FSIP1: variants seen among roughly 807,000 people sequenced by gnomAD.
FSIP1 encodes the protein fibrous sheath-interacting protein 1.
In FSIP1, 65 loss-of-function variants were observed where a neutral mutation model predicts 60.9. The ratio of observed to expected loss-of-function variants is 1.07; its 90% CI spans 0.87 to 1.31. FSIP1 has a LOEUF of 1.31. Ranked by LOEUF, FSIP1 falls within the 40% of genes most tolerant of loss-of-function variation. FSIP1 has a pLI of 0.00. For synonymous variants in FSIP1, 209 were observed against 221.2 expected (o/e 0.94, Z 0.49); for missense variants, 675 against 665.5 (o/e 1.01, Z -0.16).
chr15:39,670,650 A>C (rs1893683104), intron 10 of FSIP1, among the ~76,000 whole-genome samples: 1 of 152,202 alleles, frequency 6.6e-6, no homozygotes, highest in African/African-American at 2.4e-5. Flanking sequence ...TCATAGGCAG[A>C]AACAGCTGCC....
chr15:39,734,052 A>G (rs1566906595), intron 8 of FSIP1, among the ~76,000 whole-genome samples: 1 of 152,200 alleles, frequency 6.6e-6, no homozygotes, highest in Non-Finnish European at 1.5e-5. Context: ...AGGTGAAAAG[A>G]GCCTACAAGG....
At chr15:39,777,683 C>T (rs1442139422) in intron 1 of FSIP1, among the ~76,000 whole-genome samples, 2 of 152,204 alleles carry the variant, frequency 1.3e-5, no homozygotes, top group East Asian at 3.8e-4. Context: ...CATGCTGAGT[C>T]AAATGGAAGA....
At chr15:39,669,663 A>C (rs915769907) in intron 10 of FSIP1, among the ~76,000 whole-genome samples, 4 of 152,218 alleles carry the variant, frequency 2.6e-5, no homozygotes, top group Non-Finnish European at 5.9e-5. Flanking sequence ...ATCCCAGATA[A>C]CTTTGGAAGA....
intron 11 of FSIP1, among the ~76,000 whole-genome samples, chr15:39,605,853 C>T (rs991451472): frequency 1.3e-5 from 2 of 152,232 alleles, no homozygotes; most frequent in Non-Finnish European, 2.9e-5. Flanking sequence ...TACAACCCTA[C>T]AGGGTATTAA....
intron 5 of FSIP1, among the ~76,000 whole-genome samples, chr15:39,761,570 T>C (rs1349839141): frequency 6.6e-6 from 1 of 152,098 alleles, no homozygotes; most frequent in African/African-American, 2.4e-5. Flanking sequence ...AGCTGGAGGA[T>C]GGGAAAATGA....
rs1896677564 is a variant in FSIP1 at position 39,738,142 on chromosome 15, A to T, written c.840T>A (p.Val280=). 1 of 1,613,240 alleles carries T rather than the reference A, an allele frequency of 6.2e-7. No individual in the cohort carries two copies. The highest frequency in any genetic ancestry group is 1.1e-5 in the South Asian group (1 of 91,024). The change falls in exon 8 of 12, where the codon GTT becomes GTA. Residue 280 remains valine, a synonymous_variant. Coordinates refer to ENST00000350221, the MANE Select transcript of FSIP1 (RefSeq NM_152597.5). ...VMVDREKKRL[V]ELLKDLDEKD... ...TCTCATCCAAGTCCTTCAAAAGCTC[A>T]ACCAGCCTTTTCTTCTCTCTGTCAA...
chr15:39,728,508 A>C (rs1390851137), intron 8 of FSIP1, among the ~76,000 whole-genome samples: 1 of 152,188 alleles, frequency 6.6e-6, no homozygotes, highest in Non-Finnish European at 1.5e-5. Flanking sequence ...TCTGATCTTC[A>C]ACAAAGTTGA....
intron 10 of FSIP1, among the ~76,000 whole-genome samples, chr15:39,645,283 C>A (rs1892546055): frequency 6.6e-6 from 1 of 152,220 alleles, no homozygotes; most frequent in South Asian, 2.1e-4. Flanking sequence ...GCCATCATGT[C>A]AGCTGCAGCA....
chr15:39,648,631 G>A lies in FSIP1; in HGVS notation c.1189-30386C>T, dbSNP rs75658574. Among the ~76,000 whole-genome samples, 798 of 152,316 alleles carry A rather than the reference G, an allele frequency of 5.2e-3. 4 individuals are homozygous for A. Among genetic ancestry groups the A allele is most frequent in the Non-Finnish European group, 7.1e-3 (483 of 68,022 alleles). ...AACAGATTTTTAAAATTATAGTGAT[G>A]TAAATAAGATACTAACATTGGTGCC... On this transcript the variant is annotated intron_variant, in intron 10 of 11. Coordinates refer to ENST00000350221, the MANE Select transcript of FSIP1 (RefSeq NM_152597.5).
In FSIP1 at chr15:39,618,018, C is replaced by G; in HGVS notation, c.1416G>C (p.Glu472Asp). 3 of 1,614,214 alleles carry G rather than the reference C, an allele frequency of 1.9e-6. No individual in the cohort carries two copies. In the South Asian group the frequency reaches 3.3e-5, roughly 18 times the overall value. The change falls in exon 11 of 12, where the codon GAG (glutamate) becomes GAC (aspartate). Residue 472 changes from glutamate to aspartate, a missense_variant. By Grantham distance (45) the Glu-to-Asp change is conservative (BLOSUM62 2). Coordinates refer to ENST00000350221, the MANE Select transcript of FSIP1 (RefSeq NM_152597.5). ...KTEVEDADML[E>D]SEECEASKGY... The stretch of plus-strand genomic sequence containing the variant: ...CTTTAGAAGCTTCACATTCTTCACT[C>G]TCAAGCATATCTGCATCTTCTACCT...
chr15:39,741,779 G>A (rs751979938), intron 6 of FSIP1, 26 bp downstream of exon 6: 3 of 1,130,808 alleles, frequency 2.7e-6, no homozygotes, highest in Admixed American at 3.4e-5. Flanking sequence ...GTGAAAATGT[G>A]TATAATCACA....
At chr15:39,735,303 C>T (rs977828464) in intron 8 of FSIP1, among the ~76,000 whole-genome samples, 3 of 152,192 alleles carry the variant, frequency 2.0e-5, no homozygotes. Flanking sequence ...ACACCCAGGC[C>T]ACATTGTAAA....
At chr15:39,616,420 G>A (rs1342154703) in intron 11 of FSIP1, among the ~76,000 whole-genome samples, 2 of 152,116 alleles carry the variant, frequency 1.3e-5, no homozygotes, top group African/African-American at 4.8e-5. Flanking sequence ...GATCCTATAG[G>A]AAACCAAAGT....
In FSIP1 at chr15:39,727,516, T is replaced by C. The variant is rs554999309; in HGVS notation, c.892-769A>G. Among the ~76,000 whole-genome samples the C allele has an allele frequency of 2.0e-5, 3 of 152,316 alleles. No individual in the cohort carries two copies. In the East Asian group the frequency reaches 5.8e-4, roughly 29 times the overall value. On this transcript the variant is annotated intron_variant, in intron 8 of 11. Transcript: ENST00000350221. The stretch of plus-strand genomic sequence containing the variant: ...GTCTGTATTTTAAAACTGGAACTAC[T>C]GACAGCAAGAGTGGAAGCAGAAAGA...
chr15:39,639,504 A>G (rs1348297690), intron 10 of FSIP1, among the ~76,000 whole-genome samples: 1 of 152,176 alleles, frequency 6.6e-6, no homozygotes, highest in Non-Finnish European at 1.5e-5. Context: ...CTCCACAATT[A>G]TGTTTCTTTA....
intron 10 of FSIP1, among the ~76,000 whole-genome samples, chr15:39,622,563 CAGACT>C (rs1474930656): frequency 2.0e-5 from 3 of 152,218 alleles, no homozygotes. Context: ...ATTCACTAAG[CAGACT>C]AGACTCTGCT....
intron 10 of FSIP1, among the ~76,000 whole-genome samples, chr15:39,633,774 A>T (rs1182564666): frequency 6.6e-6 from 1 of 152,254 alleles, no homozygotes; most frequent in Non-Finnish European, 1.5e-5. Context: ...TAAGTGCTAA[A>T]TATTAAAATG....
intron 9 of FSIP1, among the ~76,000 whole-genome samples, chr15:39,714,474 GA>G: frequency 6.7e-6 from 1 of 150,296 alleles, no homozygotes; most frequent in South Asian, 2.1e-4. Flanking sequence ...TCCTTACATA[GA>G]GATGGTCACC....
At chr15:39,680,409 T>C (rs552086132) in intron 10 of FSIP1, among the ~76,000 whole-genome samples, 1 of 152,364 alleles carries the variant, frequency 6.6e-6, no homozygotes, top group South Asian at 2.1e-4. Flanking sequence ...TCATAATTTC[T>C]AGTTGCCCAT....
Sources: allele counts gnomAD v4.1 joint callset (sites outside exome capture counted in the v4.1 genomes callset), GRCh38; gene constraint gnomAD v4.1.1; transcripts MANE v1.5; gene names NCBI Gene and HGNC (gene_info 2026-07-23, HGNC 2026-07-21).